Variants in PTCD2 observed in about 807,000 individuals in gnomAD.
The protein encoded by PTCD2 is pentatricopeptide repeat-containing protein 2, mitochondrial.
A neutral mutation model predicts 42.6 loss-of-function variants in PTCD2; 31 were observed. The observed-to-expected ratio is 0.73, with a 90% CI of 0.55 to 0.98. The LOEUF is 0.98. PTCD2 is among the 50% of genes least tolerant of loss of function. PTCD2 has a pLI of 0.00. For missense variants in PTCD2, 476 were observed against 454.8 expected, an observed-to-expected ratio of 1.05 and a Z score of -0.42; for synonymous variants, 183 against 170.9, an observed-to-expected ratio of 1.07 and a Z score of -0.55.
intron 2 of PTCD2, among the ~76,000 whole-genome samples, chr5:72,322,883 A>C (rs1007693137): frequency 4.6e-5 from 7 of 152,210 alleles, no homozygotes; most frequent in African/African-American, 1.7e-4. Context: ...GCTGGGCATG[A>C]TGGCTCATGC....
chr5:72,357,046 G>A (rs1173687292), intron 9 of PTCD2, among the ~76,000 whole-genome samples: 2 of 152,136 alleles, frequency 1.3e-5, no homozygotes, highest in African/African-American at 2.4e-5. Context: ...CACCCATTTT[G>A]GGGGTTAAAT....
intron 8 of PTCD2, 103 bp from the exon 9 acceptor site, chr5:72,352,538 C>A: frequency 1.7e-6 from 1 of 573,332 alleles, no homozygotes; most frequent in Non-Finnish European, 3.1e-6. Flanking sequence ...AGGATCAAAG[C>A]AGGGTAGGTG....
rs1426997741 is a variant in PTCD2, at chr5:72,359,977, A to G, written c.*1550A>G. The stretch of plus-strand genomic sequence containing the variant: ...CTCTTAGGCTTGGTGTGAGGATGAA[A>G]TGAGATAGGGAATATAAAGCAAGCA... On this transcript the variant is annotated 3_prime_UTR_variant, in exon 10 of 10. Transcript: ENST00000380639. 2 of 151,998 alleles carry G rather than the reference A, an allele frequency of 1.3e-5. No homozygotes were observed. The highest frequency in any genetic ancestry group is 2.9e-5 in the Non-Finnish European group (2 of 68,034). 9.4% of individuals were successfully genotyped at this position (151,998 alleles called of 1,614,324 possible). A position where few individuals can be genotyped will look rare whatever the true frequency, so the allele number is the denominator to read the frequency against.
chr5:72,323,866 G>A (rs1226211491), intron 2 of PTCD2, among the ~76,000 whole-genome samples: 1 of 151,720 alleles, frequency 6.6e-6, no homozygotes, highest in Admixed American at 6.6e-5. Flanking sequence ...GGCTGGTCTC[G>A]AACTCCCAGG....
chr5:72,331,213 TCCTGTGTCCTA>T, intron 3 of PTCD2, 34 bp from the exon 4 acceptor site: 2 of 1,258,402 alleles, frequency 1.6e-6, no homozygotes, highest in Non-Finnish European at 2.3e-6. Context: ...CTGTCCTTTT[TCCTGTGTCCTA>T]CCTTTTGGCT....
rs1200233351 is a variant in PTCD2 at position 72,362,788 on chromosome 5, C to A, written c.*4361C>A. On this transcript the variant is annotated 3_prime_UTR_variant, in exon 10 of 10. Transcript: ENST00000380639. ...GGGAAAAGACAGACAAGATCTCTGT[C>A]CCAACACAGAAAATTTTAGCCTGCC... 1 of 152,164 alleles carries A rather than the reference C, an allele frequency of 6.6e-6. No individual in the cohort carries two copies. The highest frequency in any genetic ancestry group is 1.5e-5 in the Non-Finnish European group (1 of 68,034). 9.4% of individuals were successfully genotyped at this position (152,164 alleles called of 1,614,324 possible).
intron 8 of PTCD2, among the ~76,000 whole-genome samples, chr5:72,346,856 G>T (rs886287679): frequency 2.0e-5 from 3 of 152,168 alleles, no homozygotes; most frequent in Non-Finnish European, 2.9e-5. Context: ...CCAAGTCTCT[G>T]ATAACATCAG....
intron 8 of PTCD2, among the ~76,000 whole-genome samples, chr5:72,351,284 G>A (rs543919577): frequency 4.6e-5 from 7 of 152,180 alleles, no homozygotes; most frequent in South Asian, 2.1e-4. Context: ...TGCACAAGTT[G>A]GTGGAAGATA....
chr5:72,335,646 A>G, intron 5 of PTCD2, 148 bp from the exon 6 acceptor site: 1 of 500,610 alleles, frequency 2.0e-6, no homozygotes, highest in East Asian at 3.1e-5. Context: ...GTTTATTTCA[A>G]CATTTAGTTA....
At chr5:72,330,435 C>T (rs1013709471) in intron 3 of PTCD2, among the ~76,000 whole-genome samples, 2 of 152,080 alleles carry the variant, frequency 1.3e-5, no homozygotes, top group Non-Finnish European at 2.9e-5. Flanking sequence ...TAGATTCACT[C>T]ATTATATGAA....
At chr5:72,347,648 T>C (rs1368278041) in intron 8 of PTCD2, among the ~76,000 whole-genome samples, 2 of 152,110 alleles carry the variant, frequency 1.3e-5, no homozygotes, top group Middle Eastern at 6.8e-3. Context: ...GATCACACCA[T>C]TGCACTCCAG....
intron 6 of PTCD2, among the ~76,000 whole-genome samples, chr5:72,337,080 A>G (rs1751791958): frequency 6.6e-6 from 1 of 152,184 alleles, no homozygotes; most frequent in South Asian, 2.1e-4. Context: ...TAGCTTATAT[A>G]TATGACTTAT....
chr5:72,346,704 A>G (rs531698491), intron 8 of PTCD2, among the ~76,000 whole-genome samples: 2 of 152,300 alleles, frequency 1.3e-5, no homozygotes, highest in South Asian at 2.1e-4. Flanking sequence ...TCTGCTTCCT[A>G]CTGGATATGG....
chr5:72,352,770 C>T lies in PTCD2; in HGVS notation c.942+16C>T. On this transcript the variant is annotated intron_variant, in intron 9 of 9. Transcript: ENST00000380639. ...GGAGGAAGTGGTGAGTATGCAAGTGCTGCAGAAATCATTTAAAAGTGAAAG... is the reference window on the plus strand; with the variant it reads ...GGAGGAAGTGGTGAGTATGCAAGTGTTGCAGAAATCATTTAAAAGTGAAAG... 8.2e-7 allele frequency: 1 copy of T among 1,216,082 alleles called. No homozygotes were observed. The highest frequency in any genetic ancestry group is 1.2e-6 in the Non-Finnish European group (1 of 828,440). The allele number at this position is 1,216,082 out of a possible 1,614,324, so 75.3% of individuals were successfully genotyped here. A position where few individuals can be genotyped will look rare whatever the true frequency, so the allele number is the denominator to read the frequency against.
chr5:72,333,418 A>G (rs1751547578), intron 4 of PTCD2, among the ~76,000 whole-genome samples: 4 of 152,140 alleles, frequency 2.6e-5, no homozygotes, highest in African/African-American at 9.7e-5. Flanking sequence ...CTCCACCAGA[A>G]TTTAAGCTCT....
rs1753061719 is a variant in PTCD2, at chr5:72,360,233, G to T, written c.*1806G>T. ...GCAAAAAAAAAAAAAAAAGTGCTTG[G>T]ATTTCTCCACTTTCAGTCTTAGGGA... On this transcript the variant is annotated 3_prime_UTR_variant, in exon 10 of 10. Transcript: ENST00000380639. 1 of 151,654 alleles carries T rather than the reference G, an allele frequency of 6.6e-6. No homozygotes were observed. Among genetic ancestry groups the T allele is most frequent in the South Asian group, 2.1e-4 (1 of 4,810 alleles). The allele number at this position is 151,654 out of a possible 1,614,324, so 9.4% of individuals were successfully genotyped here.
rs1051189376 is a variant in PTCD2 at position 72,362,490 on chromosome 5, T to C, written c.*4063T>C. 2 of 152,236 alleles carry C rather than the reference T, an allele frequency of 1.3e-5. No homozygotes were observed. The highest frequency in any genetic ancestry group is 2.4e-5 in the African/African-American group (1 of 41,436). The allele number at this position is 152,236 out of a possible 1,614,324, so 9.4% of individuals were successfully genotyped here. A position where few individuals can be genotyped will look rare whatever the true frequency, so the allele number is the denominator to read the frequency against. ...TTTTTGGTATTTTGTTATAGCAGCC[T>C]GAAGAGACTAAGACAGCCAGTCCCA... is the stretch of plus-strand genomic sequence containing the variant. On this transcript the variant is annotated 3_prime_UTR_variant, in exon 10 of 10. Transcript: ENST00000380639.
chr5:72,345,632 T>C (rs1375873079), intron 8 of PTCD2, among the ~76,000 whole-genome samples: 1 of 152,234 alleles, frequency 6.6e-6, no homozygotes, highest in African/African-American at 2.4e-5. Flanking sequence ...TAAATGTCCA[T>C]GAAATCTTCA....
rs1044528404 is a variant in PTCD2 at position 72,322,879 on chromosome 5, C to T, written c.220+615C>T. On this transcript the variant is annotated intron_variant, in intron 2 of 9. Transcript: ENST00000380639. ...CTACCAAACCTAGGATTTGGCTGGG[C>T]ATGATGGCTCATGCCTGTAACTCCA... Among the ~76,000 whole-genome samples the T allele has an allele frequency of 6.6e-5, 10 of 152,222 alleles. No homozygotes were observed. In the East Asian group the frequency reaches 1.9e-3, roughly 29 times the overall value.
Sources: allele counts gnomAD v4.1 joint callset (sites outside exome capture counted in the v4.1 genomes callset), GRCh38; gene constraint gnomAD v4.1.1; transcripts MANE v1.5; gene names NCBI Gene and HGNC (gene_info 2026-07-23, HGNC 2026-07-21).